BMPR1B: variants seen among roughly 807,000 people sequenced by gnomAD.
The protein encoded by BMPR1B is bone morphogenetic protein receptor type 1B, also known as bone morphogenetic protein receptor type-1B.
In BMPR1B, 12 loss-of-function variants were observed where a neutral mutation model predicts 59.1. The observed-to-expected ratio is 0.20, with a 90% CI of 0.13 to 0.33. The LOEUF (loss-of-function observed/expected upper bound fraction) is 0.33, where lower values mean the gene tolerates loss of function less well. Ranked by LOEUF, BMPR1B falls within the 10% of genes least tolerant of loss-of-function variation. The pLI, the probability that BMPR1B is intolerant of heterozygous loss-of-function variation, is 1.00. For synonymous variants in BMPR1B, 237 were observed against 207.3 expected (o/e 1.14, Z -1.23); for missense variants, 550 against 610.9 (o/e 0.90, Z 1.05).
intron 10 of BMPR1B, among the ~76,000 whole-genome samples, chr4:95,137,485 A>T (rs1733886516): frequency 1.3e-5 from 2 of 152,176 alleles, no homozygotes; most frequent in South Asian, 4.1e-4. Context: ...TGTCTCGTTG[A>T]TCTGTCTAAT....
intron 1 of BMPR1B, among the ~76,000 whole-genome samples, chr4:94,827,059 C>T (rs938037700): frequency 2.0e-5 from 3 of 152,086 alleles, no homozygotes; most frequent in Non-Finnish European, 4.4e-5. Flanking sequence ...GAAATATAAT[C>T]TAATTTGGCT....
At chr4:95,002,420 G>T (rs915601387) in intron 3 of BMPR1B, among the ~76,000 whole-genome samples, 1 of 152,146 alleles carries the variant, frequency 6.6e-6, no homozygotes, top group African/African-American at 2.4e-5. Flanking sequence ...TTGCTATTGT[G>T]AATAGTGCTG....
chr4:95,113,223 C>G (rs537611721), intron 4 of BMPR1B, among the ~76,000 whole-genome samples: 35 of 152,258 alleles, frequency 2.3e-4, no homozygotes, highest in African/African-American at 8.4e-4. Flanking sequence ...AAGGCATGGG[C>G]TGTTCAGAGA....
At chr4:94,812,652 G>C (rs1008504756) in intron 1 of BMPR1B, among the ~76,000 whole-genome samples, 1 of 152,132 alleles carries the variant, frequency 6.6e-6, no homozygotes, top group Non-Finnish European at 1.5e-5. Context: ...ATGTGTAAAT[G>C]TTGAAAAGAC....
intron 3 of BMPR1B, among the ~76,000 whole-genome samples, chr4:95,077,310 C>T (rs1487691616): frequency 6.6e-6 from 1 of 152,106 alleles, no homozygotes; most frequent in Non-Finnish European, 1.5e-5. Context: ...TTAGCTCCAC[C>T]TTAAGACCCT....
At chr4:94,868,407 A>G (rs1486370839) in intron 1 of BMPR1B, among the ~76,000 whole-genome samples, 18 of 151,920 alleles carry the variant, frequency 1.2e-4, no homozygotes, top group Admixed American at 1.2e-3. Flanking sequence ...CTGACCTCAA[A>G]TGGTCCACCC....
At chr4:94,762,614 A>AT (rs1353634145) in intron 1 of BMPR1B, among the ~76,000 whole-genome samples, 2 of 152,194 alleles carry the variant, frequency 1.3e-5, no homozygotes, top group Admixed American at 1.3e-4. Flanking sequence ...TAAAATATGT[A>AT]TTTTATTCAA....
intron 2 of BMPR1B, among the ~76,000 whole-genome samples, chr4:94,975,605 T>C (rs1329561308): frequency 6.6e-6 from 1 of 151,878 alleles, no homozygotes; most frequent in African/African-American, 2.4e-5. Flanking sequence ...AGGCTGGTTT[T>C]GGACTCCTGG....
At chr4:94,856,750 A>G (rs1458815147) in intron 1 of BMPR1B, among the ~76,000 whole-genome samples, 2 of 152,238 alleles carry the variant, frequency 1.3e-5, no homozygotes, top group Non-Finnish European at 2.9e-5. Context: ...GAAAGGCAGT[A>G]GAAAGGTGGC....
chr4:95,048,615 T>C (rs1485142911), intron 3 of BMPR1B, among the ~76,000 whole-genome samples: 1 of 152,220 alleles, frequency 6.6e-6, no homozygotes, highest in Non-Finnish European at 1.5e-5. Flanking sequence ...GAAGCGTCTG[T>C]TCCTGTTGTT....
intron 2 of BMPR1B, among the ~76,000 whole-genome samples, chr4:94,899,001 T>C (rs1727696002): frequency 6.6e-6 from 1 of 152,038 alleles, no homozygotes; most frequent in Non-Finnish European, 1.5e-5. Context: ...TGTCCCTGAG[T>C]TGGAATCAAG....
At chr4:95,100,639 G>A (rs1424798240) in intron 3 of BMPR1B, among the ~76,000 whole-genome samples, 1 of 151,942 alleles carries the variant, frequency 6.6e-6, no homozygotes, top group Non-Finnish European at 1.5e-5. Flanking sequence ...TCTTTCCTCT[G>A]TTTTCTCAAG....
chr4:94,916,458 C>T (rs1319536281), intron 2 of BMPR1B, among the ~76,000 whole-genome samples: 2 of 152,168 alleles, frequency 1.3e-5, no homozygotes, highest in Non-Finnish European at 2.9e-5. Context: ...TAGCAAAGAA[C>T]TTGGCTGCAT....
chr4:94,821,180 A>G (rs1724193025), intron 1 of BMPR1B, among the ~76,000 whole-genome samples: 1 of 152,220 alleles, frequency 6.6e-6, no homozygotes, highest in South Asian at 2.1e-4. Flanking sequence ...TCCATAATCT[A>G]TAGCTACTTT....
chr4:94,890,443 A>G (rs535498368), intron 2 of BMPR1B, among the ~76,000 whole-genome samples: 3 of 152,090 alleles, frequency 2.0e-5, no homozygotes, highest in East Asian at 3.9e-4. Flanking sequence ...TCCACTTCCA[A>G]ACCTCTTAAT....
At chr4:94,828,448 A>G (rs1257229198) in intron 1 of BMPR1B, among the ~76,000 whole-genome samples, 1 of 152,220 alleles carries the variant, frequency 6.6e-6, no homozygotes, top group Non-Finnish European at 1.5e-5. Context: ...AGTGTATTCT[A>G]CAGAGCATAT....
intron 2 of BMPR1B, among the ~76,000 whole-genome samples, chr4:94,943,865 C>G (rs1293498807): frequency 6.6e-6 from 1 of 152,070 alleles, no homozygotes; most frequent in African/African-American, 2.4e-5. Flanking sequence ...TTCAAAATTT[C>G]TCTTCTCTAA....
chr4:94,853,130 G>A (rs991423476), intron 1 of BMPR1B, among the ~76,000 whole-genome samples: 4 of 152,206 alleles, frequency 2.6e-5, no homozygotes, highest in Admixed American at 6.5e-5. Flanking sequence ...GTACTAATTC[G>A]AAATTGTATG....
At chr4:94,872,292 A>G (rs1387099408) in intron 1 of BMPR1B, among the ~76,000 whole-genome samples, 1 of 152,230 alleles carries the variant, frequency 6.6e-6, no homozygotes, top group Non-Finnish European at 1.5e-5. Context: ...ATATTTGTAG[A>G]CAAAGCTTTC....
Sources: allele counts gnomAD v4.1 joint callset (sites outside exome capture counted in the v4.1 genomes callset), GRCh38; gene constraint gnomAD v4.1.1; transcripts MANE v1.5; gene names NCBI Gene and HGNC (gene_info 2026-07-23, HGNC 2026-07-21).